TRIM2: variants seen among roughly 807,000 people sequenced by gnomAD.
The protein encoded by TRIM2 is tripartite motif containing 2, also known as tripartite motif-containing protein 2.
A neutral mutation model predicts 75.2 loss-of-function variants in TRIM2; 20 were observed. That is an observed-to-expected ratio of 0.27 (90% CI 0.19 to 0.39). The LOEUF (loss-of-function observed/expected upper bound fraction) is 0.39. TRIM2 is among the 10% of genes least tolerant of loss of function. The pLI is 1.00. For synonymous variants in TRIM2, 373 were observed against 388.3 expected (o/e 0.96, Z 0.46); for missense variants, 660 against 990.8 (o/e 0.67, Z 4.48).
At chr4:153,326,773 G>C (rs939086412) in intron 10 of TRIM2, among the ~76,000 whole-genome samples, 1 of 152,200 alleles carries the variant, frequency 6.6e-6, no homozygotes, top group African/African-American at 2.4e-5. Context: ...CTGAGGTCAG[G>C]AGTTCGAGAC....
chr4:153,302,783 C>G (rs1764189062), intron 6 of TRIM2, among the ~76,000 whole-genome samples: 1 of 152,332 alleles, frequency 6.6e-6, no homozygotes, highest in South Asian at 2.1e-4. Context: ...CCTTCTCTTT[C>G]AAAATACACT....
At chr4:153,167,000 A>T (rs1730389623) in intron 1 of TRIM2, among the ~76,000 whole-genome samples, 1 of 152,208 alleles carries the variant, frequency 6.6e-6, no homozygotes. Flanking sequence ...CAGGGCTGTC[A>T]GGGTGTGTGT....
intron 8 of TRIM2, among the ~76,000 whole-genome samples, chr4:153,320,221 C>T (rs1308736018): frequency 2.6e-5 from 4 of 152,140 alleles, no homozygotes; most frequent in Non-Finnish European, 4.4e-5. Context: ...CACAGCAGTT[C>T]CTCTTGCCAA....
At chr4:153,161,846 C>T (rs989073805) in intron 1 of TRIM2, among the ~76,000 whole-genome samples, 5 of 152,146 alleles carry the variant, frequency 3.3e-5, no homozygotes, top group East Asian at 1.9e-4. Flanking sequence ...GTACAATTGT[C>T]CTCTGCAGCT....
At chr4:153,322,944 A>T (rs1769332421) in intron 9 of TRIM2, 128 bp downstream of exon 9, 1 of 1,287,242 alleles carries the variant, frequency 7.8e-7, no homozygotes, top group Admixed American at 2.4e-5. Flanking sequence ...GATGCTGGGG[A>T]TAAAATCTAA....
At position 153,339,246 on chromosome 4, in the gene TRIM2, A is replaced by G. The variant is rs1250334130; in HGVS notation, c.*4280A>G. 2 of 960,494 alleles carry G rather than the reference A, an allele frequency of 2.1e-6. No individual in the cohort carries two copies. Among genetic ancestry groups the G allele is most frequent in the Non-Finnish European group, 2.5e-6 (2 of 807,074 alleles). The allele number at this position is 960,494 out of a possible 1,614,324, so 59.5% of individuals were successfully genotyped here. A position where few individuals can be genotyped will look rare whatever the true frequency, so the allele number is the denominator to read the frequency against. Reference sequence around the variant, plus strand: ...TTAATTCTGTCTTGAAACATAGGAGAAACAGGATTCATGTGTATCTCTTTA... The same window carrying G: ...TTAATTCTGTCTTGAAACATAGGAGGAACAGGATTCATGTGTATCTCTTTA... On this transcript the variant is annotated 3_prime_UTR_variant, in exon 12 of 12. Coordinates refer to ENST00000338700, the MANE Select transcript of TRIM2 (RefSeq NM_015271.5).
At chr4:153,243,252 T>C (rs540215109) in intron 1 of TRIM2, among the ~76,000 whole-genome samples, 2 of 152,128 alleles carry the variant, frequency 1.3e-5, no homozygotes, top group African/African-American at 2.4e-5. Context: ...CCCCACACAA[T>C]TGGAAAGTGA....
At chr4:153,314,356 C>T (rs908801751) in intron 6 of TRIM2, among the ~76,000 whole-genome samples, 1 of 132,604 alleles carries the variant, frequency 7.5e-6, no homozygotes, top group Admixed American at 8.0e-5. Context: ...GGAGGTGGAG[C>T]TTGCAGTGAG....
intron 1 of TRIM2, among the ~76,000 whole-genome samples, chr4:153,167,345 T>C (rs1730419967): frequency 2.0e-5 from 3 of 152,212 alleles, no homozygotes; most frequent in Admixed American, 2.0e-4. Context: ...ACTGAAGTAA[T>C]TCATTGTTCA....
In TRIM2 at chr4:153,314,356, C is replaced by G. The variant is rs908801751; in HGVS notation, c.1511-1129C>G. Among the ~76,000 whole-genome samples, 3 of 132,604 alleles carry G rather than the reference C, an allele frequency of 2.3e-5. No homozygotes were observed. The Admixed American group carries it at 2.4e-4, about 11-fold the overall frequency. The allele number at this position is 132,604 out of a possible 152,430, so 87.0% of individuals were successfully genotyped here. A position where few individuals can be genotyped will look rare whatever the true frequency, so the allele number is the denominator to read the frequency against. Reference sequence around the variant, plus strand: ...AATGGCGTGAACCCGGGAGGTGGAGCTTGCAGTGAGCCGAGATCCCGCCAC... The same window carrying G: ...AATGGCGTGAACCCGGGAGGTGGAGGTTGCAGTGAGCCGAGATCCCGCCAC... On this transcript the variant is annotated intron_variant, in intron 6 of 11. Coordinates refer to ENST00000338700, the MANE Select transcript of TRIM2 (RefSeq NM_015271.5).
intron 1 of TRIM2, among the ~76,000 whole-genome samples, chr4:153,249,300 C>T (rs1437067649): frequency 3.9e-5 from 6 of 152,232 alleles, no homozygotes; most frequent in Non-Finnish European, 8.8e-5. Flanking sequence ...GCTCCCGCCT[C>T]GGGGCGGGGC....
intron 1 of TRIM2, among the ~76,000 whole-genome samples, chr4:153,170,148 G>A (rs1730698538): frequency 6.6e-6 from 1 of 152,134 alleles, no homozygotes; most frequent in Non-Finnish European, 1.5e-5. Flanking sequence ...GGAGGAAGAG[G>A]GGGAAAAGGG....
chr4:153,236,658 T>TTTTTC (rs142215104), intron 1 of TRIM2, among the ~76,000 whole-genome samples: 9,015 of 149,558 alleles, frequency 0.06, 758 homozygotes, highest in African/African-American at 0.19. Flanking sequence ...GGATTGTGTC[T>TTTTTC]TTTTCTTTTC....
At position 153,226,969 on chromosome 4, in the gene TRIM2, G is replaced by C. The variant is rs79599459; in HGVS notation, c.30+22409G>C. On this transcript the variant is annotated intron_variant, in intron 1 of 11. Coordinates refer to ENST00000338700, the MANE Select transcript of TRIM2 (RefSeq NM_015271.5). ...TGCTTATGATCTGGAAAGTACAATA[G>C]CCTAAAAGGCAAAGAACAAGTCTTG... Among the ~76,000 whole-genome samples, 1,349 of 152,282 alleles carry C rather than the reference G, an allele frequency of 8.9e-3. 17 individuals are homozygous for C. Among genetic ancestry groups the C allele is most frequent in the African/African-American group, 0.029 (1,185 of 41,548 alleles).
chr4:153,214,499 G>T (rs1392519942), intron 1 of TRIM2, among the ~76,000 whole-genome samples: 1 of 152,180 alleles, frequency 6.6e-6, no homozygotes, highest in African/African-American at 2.4e-5. Flanking sequence ...TGGAACAAAA[G>T]AAACAATAAA....
chr4:153,316,044 A>T (rs753416893), intron 8 of TRIM2, 45 bp downstream of exon 8: 2 of 1,486,932 alleles, frequency 1.3e-6, no homozygotes, highest in Non-Finnish European at 1.8e-6. Flanking sequence ...GAGAGAAGGA[A>T]CAGGAAATAC....
At chr4:153,209,251 T>A (rs1169111629) in intron 1 of TRIM2, among the ~76,000 whole-genome samples, 1 of 152,194 alleles carries the variant, frequency 6.6e-6, no homozygotes, top group African/African-American at 2.4e-5. Context: ...TAAATCTACT[T>A]AAATTTTCAA....
At chr4:153,242,800 G>A (rs1398858635) in intron 1 of TRIM2, among the ~76,000 whole-genome samples, 2 of 152,218 alleles carry the variant, frequency 1.3e-5, no homozygotes, top group East Asian at 1.9e-4. Context: ...TGAGATCTGC[G>A]AATGGCTTTG....
intron 1 of TRIM2, among the ~76,000 whole-genome samples, 161 bp from the exon 2 acceptor site, chr4:153,270,174 C>A (rs1756325448): frequency 6.6e-6 from 1 of 152,030 alleles, no homozygotes; most frequent in South Asian, 2.1e-4. Context: ...ATGATCCGCC[C>A]ACCTCGGCCT....
Sources: allele counts gnomAD v4.1 joint callset (sites outside exome capture counted in the v4.1 genomes callset), GRCh38; gene constraint gnomAD v4.1.1; transcripts MANE v1.5; gene names NCBI Gene and HGNC (gene_info 2026-07-23, HGNC 2026-07-21).